RNF111: variants seen among roughly 807,000 people sequenced by gnomAD.
RNF111 encodes ring finger protein 111, also known as E3 ubiquitin-protein ligase Arkadia.
RNF111 carries 17 observed loss-of-function variants against 95.1 expected under a neutral mutation model. The ratio of observed to expected loss-of-function variants is 0.18; its 90% CI spans 0.12 to 0.27. The LOEUF is 0.27. Ranked by LOEUF, RNF111 falls within the 10% of genes least tolerant of loss-of-function variation. RNF111 has a pLI of 1.00. For missense variants in RNF111, 1,189 were observed against 1,210.4 expected, an observed-to-expected ratio of 0.98 and a Z score of 0.26; for synonymous variants, 440 against 414.8, an observed-to-expected ratio of 1.06 and a Z score of -0.74.
chr15:59,014,620 G>T (rs1302287132), intron 1 of RNF111, among the ~76,000 whole-genome samples: 1 of 152,180 alleles, frequency 6.6e-6, no homozygotes. Flanking sequence ...ATAGGGGAAA[G>T]TTGTTAGATT....
intron 1 of RNF111, among the ~76,000 whole-genome samples, chr15:58,996,583 G>GA (rs557583254): frequency 6.5e-4 from 79 of 121,244 alleles, no homozygotes; most frequent in South Asian, 6.3e-3. Context: ...TCCATCTCAA[G>GA]AAAAAAAAAA....
At chr15:59,032,682 A>C (rs1417528347) in intron 2 of RNF111, among the ~76,000 whole-genome samples, 1 of 152,150 alleles carries the variant, frequency 6.6e-6, no homozygotes, top group African/African-American at 2.4e-5. Flanking sequence ...TGGGCTCTCA[A>C]TATTTTTTCT....
At chr15:59,007,448 T>C (rs1161767657) in intron 1 of RNF111, among the ~76,000 whole-genome samples, 1 of 152,214 alleles carries the variant, frequency 6.6e-6, no homozygotes, top group African/African-American at 2.4e-5. Flanking sequence ...GTTGTAGCTG[T>C]ATAACATAAT....
At chr15:59,045,493 T>C (rs780913928) in intron 2 of RNF111, among the ~76,000 whole-genome samples, 75 of 152,246 alleles carry the variant, frequency 4.9e-4, no homozygotes, top group Non-Finnish European at 1.0e-3. Context: ...CCGGCCTTAG[T>C]TTTTCCTCTT....
chr15:59,026,811 G>C (rs2040633570), intron 1 of RNF111, among the ~76,000 whole-genome samples: 1 of 152,100 alleles, frequency 6.6e-6, no homozygotes, highest in Non-Finnish European at 1.5e-5. Context: ...GAACCTCTTA[G>C]TTATATGGGA....
chr15:59,059,397 G>A (rs1028955990), intron 5 of RNF111, among the ~76,000 whole-genome samples: 1 of 152,150 alleles, frequency 6.6e-6, no homozygotes, highest in Non-Finnish European at 1.5e-5. Context: ...GAACCCTTGC[G>A]AATTGCTGGT....
At chr15:59,051,295 T>G (rs2041968394) in intron 2 of RNF111, among the ~76,000 whole-genome samples, 1 of 148,414 alleles carries the variant, frequency 6.7e-6, no homozygotes, top group Non-Finnish European at 1.5e-5. Context: ...CTACTAAAAA[T>G]AAACAAAAAA....
At chr15:59,024,396 C>T (rs936026266) in intron 1 of RNF111, among the ~76,000 whole-genome samples, 2 of 152,092 alleles carry the variant, frequency 1.3e-5, no homozygotes, top group African/African-American at 2.4e-5. Flanking sequence ...GATGAGATTC[C>T]TGCTTCCTTG....
intron 1 of RNF111, among the ~76,000 whole-genome samples, chr15:59,010,807 C>T (rs1458284205): frequency 6.6e-6 from 1 of 152,074 alleles, no homozygotes; most frequent in Non-Finnish European, 1.5e-5. Flanking sequence ...ATGTAGGGAG[C>T]TTAGTATTAA....
chr15:59,086,583 GTGT>G (rs1285100230), intron 10 of RNF111, among the ~76,000 whole-genome samples: 3 of 152,230 alleles, frequency 2.0e-5, no homozygotes, highest in Admixed American at 6.5e-5. Flanking sequence ...GAATAGTTTT[GTGT>G]TGTTGTGGGT....
intron 1 of RNF111, among the ~76,000 whole-genome samples, chr15:58,997,151 T>G (rs2039112193): frequency 6.6e-6 from 1 of 152,158 alleles, no homozygotes; most frequent in Non-Finnish European, 1.5e-5. Flanking sequence ...ACAAAGAATG[T>G]ACAGGGAAAA....
intron 1 of RNF111, among the ~76,000 whole-genome samples, chr15:59,022,353 C>G (rs1451878292): frequency 6.6e-6 from 1 of 152,186 alleles, no homozygotes; most frequent in Non-Finnish European, 1.5e-5. Flanking sequence ...GAAAGTCTGT[C>G]TAAATGTAAG....
Position 59,031,697 on chromosome 15 carries a change from C to T in RNF111, c.875C>T (p.Pro292Leu). ...SENHQNNPAV[P>L]SGSIDEDVVV... is the part of the protein sequence containing the mutation. ...AACCACCAAAACAATCCAGCTGTTC[C>T]CTCAGGTAAAAATGTTTAAGCTGAG... The change falls in exon 2 of 14, where the codon CCC (proline) becomes CTC (leucine). Residue 292 changes from proline (P) to leucine (L), a missense_variant. Pro to Leu is a moderately conservative substitution (Grantham distance 98). This residue lies in a region of RNF111 where 1,024 missense variants were observed against 925.9 expected (regional missense o/e 1.11). Transcript: ENST00000348370. 1 of 1,612,376 alleles carries T rather than the reference C, an allele frequency of 6.2e-7. No individual in the cohort carries two copies. Among genetic ancestry groups the T allele is most frequent in the Non-Finnish European group, 8.5e-7 (1 of 1,179,212 alleles).
intron 7 of RNF111, among the ~76,000 whole-genome samples, chr15:59,080,410 C>T (rs1346144384): frequency 6.6e-6 from 1 of 152,116 alleles, no homozygotes; most frequent in Non-Finnish European, 1.5e-5. Context: ...GTGTGAGCCA[C>T]GGTGCCTGGC....
intron 1 of RNF111, among the ~76,000 whole-genome samples, chr15:59,009,802 A>G (rs773862009): frequency 6.6e-5 from 10 of 152,158 alleles, no homozygotes; most frequent in Middle Eastern, 6.8e-3. Flanking sequence ...AAAAAATTCA[A>G]AAAATTAGCT....
intron 1 of RNF111, among the ~76,000 whole-genome samples, chr15:59,000,161 C>G (rs1255554406): frequency 7.5e-6 from 1 of 133,348 alleles, no homozygotes; most frequent in African/African-American, 3.1e-5. Flanking sequence ...TTTTTTTTTT[C>G]CCTTTTTTTT....
intron 1 of RNF111, among the ~76,000 whole-genome samples, chr15:59,010,036 A>C (rs1308988407): frequency 3.3e-5 from 5 of 152,172 alleles, no homozygotes; most frequent in Non-Finnish European, 5.9e-5. Flanking sequence ...CATTCAGTTT[A>C]TATGCAATTT....
chr15:59,041,457 G>T (rs550432138), intron 2 of RNF111, among the ~76,000 whole-genome samples: 1 of 152,238 alleles, frequency 6.6e-6, no homozygotes, highest in African/African-American at 2.4e-5. Flanking sequence ...AGAGGCTGAG[G>T]CAGGAGAACT....
In RNF111 at chr15:59,096,175, C is replaced by T. The variant is rs1370778607; in HGVS notation, c.*1275C>T. On this transcript the variant is annotated 3_prime_UTR_variant, in exon 14 of 14. Coordinates refer to ENST00000348370, the MANE Select transcript of RNF111 (RefSeq NM_017610.8). ...AAGTTAAGTTAACATACTAACATTT[C>T]TCCTTTGGAGGAAGTTTTAATCTAC... 7.5e-6 allele frequency: 3 copies of T among 397,446 alleles called. No individual in the cohort carries two copies. Among genetic ancestry groups the T allele is most frequent in the South Asian group, 1.3e-4 (1 of 7,596 alleles). The allele number at this position is 397,446 out of a possible 1,614,324, so 24.6% of individuals were successfully genotyped here.
Sources: allele counts gnomAD v4.1 joint callset (sites outside exome capture counted in the v4.1 genomes callset), GRCh38; gene constraint gnomAD v4.1.1; regional missense constraint gnomAD v4.1.1; transcripts MANE v1.5; gene names NCBI Gene and HGNC (gene_info 2026-07-23, HGNC 2026-07-21).